Variants in C5orf63 observed in about 807,000 individuals in gnomAD.
C5orf63 encodes glutaredoxin-like protein C5orf63.
A neutral mutation model predicts 13.3 loss-of-function variants in C5orf63; 18 were observed. That is an observed-to-expected ratio of 1.36 (90% CI 0.94 to 2.01). C5orf63 has a LOEUF of 2.01. C5orf63 is among the 30% of genes most tolerant of loss of function. The probability of loss-of-function intolerance (pLI) is 0.00; values close to 1 mark genes in which losing one functional copy is unlikely to be tolerated. For missense variants in C5orf63, 118 were observed against 127.7 expected (o/e 0.92, Z 0.36); for synonymous variants, 38 against 44.7 (o/e 0.85, Z 0.60).
intron 2 of C5orf63, among the ~76,000 whole-genome samples, chr5:127,068,178 T>C (rs1754400211): frequency 6.6e-6 from 1 of 152,206 alleles, no homozygotes; most frequent in Admixed American, 6.5e-5. Context: ...CCTGGGGCTT[T>C]GGGCCTCAAG....
At chr5:127,066,709 G>A (rs1053600172) in intron 2 of C5orf63, among the ~76,000 whole-genome samples, 10 of 152,034 alleles carry the variant, frequency 6.6e-5, no homozygotes, top group African/African-American at 2.2e-4. Flanking sequence ...ATAAAGACTT[G>A]AGTCTCCATC....
downstream of C5orf63, among the ~76,000 whole-genome samples, chr5:127,048,863 T>C (rs1298659923): frequency 2.0e-5 from 3 of 152,202 alleles, no homozygotes; most frequent in Non-Finnish European, 4.4e-5. Flanking sequence ...TTCTCCATCT[T>C]AGTTGAGCAG....
At chr5:127,071,859 TTAA>T (rs1238926944) in intron 1 of C5orf63, 174 bp from the exon 2 acceptor site, 2 of 152,156 alleles carry the variant, frequency 1.3e-5, no homozygotes, top group African/African-American at 2.4e-5. Flanking sequence ...TAAAAAAACT[TTAA>T]TAATAAAAAA....
At chr5:127,071,079 C>T (rs1029532804) in intron 2 of C5orf63, among the ~76,000 whole-genome samples, 3 of 152,154 alleles carry the variant, frequency 2.0e-5, no homozygotes, top group Admixed American at 6.5e-5. Context: ...ATTTCTATAG[C>T]TTGTACTGAG....
downstream of C5orf63, among the ~76,000 whole-genome samples, chr5:127,049,645 G>A (rs1312286910): frequency 3.3e-5 from 5 of 152,134 alleles, no homozygotes; most frequent in African/African-American, 4.8e-5. Flanking sequence ...CACCTACTAC[G>A]GTGCTTCAAT....
At chr5:127,068,837 G>T (rs1192502813) in intron 2 of C5orf63, among the ~76,000 whole-genome samples, 1 of 152,098 alleles carries the variant, frequency 6.6e-6, no homozygotes, top group Non-Finnish European at 1.5e-5. Flanking sequence ...ATAAAATAAT[G>T]ATGCCAATCA....
chr5:127,060,276 C>T (rs1290621098), intron 2 of C5orf63, among the ~76,000 whole-genome samples: 1 of 152,110 alleles, frequency 6.6e-6, no homozygotes, highest in African/African-American at 2.4e-5. Flanking sequence ...ATCATCATAA[C>T]TTTTGGAAAC....
downstream of C5orf63, chr5:127,043,714 A>G (rs1214665286): frequency 1.3e-5 from 2 of 152,164 alleles, no homozygotes; most frequent in Admixed American, 6.5e-5. Flanking sequence ...TCTCTTTTTT[A>G]CCCAGATTAT....
chr5:127,072,332 A>G (rs1010053591), intron 1 of C5orf63, among the ~76,000 whole-genome samples: 1 of 152,186 alleles, frequency 6.6e-6, no homozygotes, highest in Non-Finnish European at 1.5e-5. Context: ...CGTGTTTTAA[A>G]TCTTTCTAAT....
intron 3 of C5orf63, among the ~76,000 whole-genome samples, chr5:127,055,939 T>C (rs968566720): frequency 6.6e-6 from 1 of 152,096 alleles, no homozygotes; most frequent in Non-Finnish European, 1.5e-5. Context: ...TTTAAAACAA[T>C]AAAGAACCAA....
At chr5:127,065,353 A>G (rs1405329439) in intron 2 of C5orf63, among the ~76,000 whole-genome samples, 1 of 152,224 alleles carries the variant, frequency 6.6e-6, no homozygotes, top group Admixed American at 6.5e-5. Flanking sequence ...AGGGCCATAT[A>G]ATTCAAATGT....
At chr5:127,070,827 T>C (rs937120421) in intron 2 of C5orf63, among the ~76,000 whole-genome samples, 2 of 152,178 alleles carry the variant, frequency 1.3e-5, no homozygotes, top group Non-Finnish European at 2.9e-5. Context: ...TTGCATATTC[T>C]AAACAACAAA....
chr5:127,051,583 T>A lies in C5orf63; in HGVS notation c.*188A>T. 4 of 1,249,902 alleles carry A rather than the reference T, an allele frequency of 3.2e-6. No homozygotes were observed. The highest frequency in any genetic ancestry group is 4.0e-6 in the Non-Finnish European group (4 of 997,932). 77.4% of individuals were successfully genotyped at this position (1,249,902 alleles called of 1,614,324 possible). A position where few individuals can be genotyped will look rare whatever the true frequency, so the allele number is the denominator to read the frequency against. On this transcript the variant is annotated 3_prime_UTR_variant, in exon 5 of 5. Transcript: ENST00000296662. ...GCTCTTCTTATTTTATAAAATGCCATTAAGCAAACAGTTCCCACACTGATA... is the reference window on the plus strand; with the variant it reads ...GCTCTTCTTATTTTATAAAATGCCAATAAGCAAACAGTTCCCACACTGATA...
downstream of C5orf63, among the ~76,000 whole-genome samples, chr5:127,048,264 C>A (rs1036181820): frequency 6.6e-6 from 1 of 151,126 alleles, no homozygotes; most frequent in African/African-American, 2.4e-5. Context: ...CACACACACA[C>A]ACACACACAC....
Position 127,052,687 on chromosome 5 carries a change from A to AT in C5orf63, c.115-19_115-18insA. ...CATGGGTCCTACAGGAAGAAAAAAAACCCAAGCGATTAAACCCAAAGAATG... is the reference window on the plus strand; with the variant it reads ...CATGGGTCCTACAGGAAGAAAAAAAATCCCAAGCGATTAAACCCAAAGAATG... On this transcript the variant is annotated intron_variant, in intron 3 of 4. Coordinates refer to ENST00000296662, the MANE Select transcript of C5orf63 (RefSeq NM_001164478.2). 6.8e-7 allele frequency: 1 copy of AT among 1,475,790 alleles called. No homozygotes were observed. Among genetic ancestry groups the AT allele is most frequent in the Non-Finnish European group, 8.9e-7 (1 of 1,125,114 alleles). 91.4% of individuals were successfully genotyped at this position (1,475,790 alleles called of 1,614,324 possible). A position where few individuals can be genotyped will look rare whatever the true frequency, so the allele number is the denominator to read the frequency against.
chr5:127,045,831 T>A (rs1463770789), exon 5 of C5orf63: 1 of 152,216 alleles, frequency 6.6e-6, no homozygotes, highest in Non-Finnish European at 1.5e-5. Flanking sequence ...AGAGTAGGAA[T>A]CCTGGCTATC....
intron 3 of C5orf63, chr5:127,056,333 G>C (rs1753884698): frequency 6.6e-6 from 1 of 152,362 alleles, no homozygotes; most frequent in South Asian, 2.1e-4. Context: ...CCGTTTTCAT[G>C]CTGCTGATAA....
downstream of C5orf63, chr5:127,042,574 G>GA: frequency 6.6e-6 from 1 of 151,902 alleles, no homozygotes; most frequent in African/African-American, 2.4e-5. Flanking sequence ...TGGCAGGGAG[G>GA]AAAAATATTT....
At chr5:127,050,590 T>C (rs1753640581), downstream of C5orf63, among the ~76,000 whole-genome samples, 1 of 152,168 alleles carries the variant, frequency 6.6e-6, no homozygotes, top group Non-Finnish European at 1.5e-5. Flanking sequence ...AATCTGGGGC[T>C]GTGGGGCAAG....
Sources: gnomAD v4.1 joint callset for allele counts (sites outside exome capture counted in the v4.1 genomes callset) on GRCh38, gnomAD v4.1.1 for gene constraint, MANE v1.5 for transcripts, NCBI Gene and HGNC (gene_info 2026-07-23, HGNC 2026-07-21) for gene names.